MED15: variants seen among roughly 807,000 people sequenced by gnomAD.
The protein encoded by MED15 is mediator of RNA polymerase II transcription subunit 15.
A neutral mutation model predicts 118.7 loss-of-function variants in MED15; 41 were observed. The observed-to-expected ratio is 0.35, with a 90% CI of 0.27 to 0.45. The LOEUF (loss-of-function observed/expected upper bound fraction) is 0.45. Among genes scored for constraint, MED15 ranks in the 20% least tolerant of loss-of-function variants. The probability of loss-of-function intolerance (pLI) is 1.00; values close to 1 mark genes in which losing one functional copy is unlikely to be tolerated. For missense variants in MED15, 740 were observed against 1,025.5 expected, an observed-to-expected ratio of 0.72 and a Z score of 3.80; for synonymous variants, 436 against 413.9, an observed-to-expected ratio of 1.05 and a Z score of -0.65.
chr22:20,553,727 C>T (rs1039679557), intron 4 of MED15, among the ~76,000 whole-genome samples: 1 of 151,930 alleles, frequency 6.6e-6, no homozygotes, highest in African/African-American at 2.4e-5. Context: ...ACAAAAATAG[C>T]CGGGTGTGGT....
At chr22:20,578,422 C>T (rs1452095044) in intron 9 of MED15, among the ~76,000 whole-genome samples, 3 of 152,224 alleles carry the variant, frequency 2.0e-5, no homozygotes, top group Non-Finnish European at 1.5e-5. Context: ...CAGCCCTCTA[C>T]GTCCGGCTGC....
At chr22:20,584,527 G>C in intron 14 of MED15, 102 bp downstream of exon 14, 1 of 1,377,454 alleles carries the variant, frequency 7.3e-7, no homozygotes, top group Non-Finnish European at 1.0e-6. Flanking sequence ...CTGGGCGGGG[G>C]CCGGGCCTGA....
intron 2 of MED15, among the ~76,000 whole-genome samples, chr22:20,545,343 A>G (rs2055483598): frequency 6.6e-6 from 1 of 152,000 alleles, no homozygotes; most frequent in Non-Finnish European, 1.5e-5. Context: ...GTAGGGGGTG[A>G]CAGCGCATAC....
chr22:20,574,257 A>T (rs917263056), intron 8 of MED15: 1 of 152,248 alleles, frequency 6.6e-6, no homozygotes, highest in South Asian at 2.1e-4. Flanking sequence ...AAGTGCCTGT[A>T]GGCCCTGCTC....
chr22:20,580,224 C>T (rs949323881), intron 9 of MED15, among the ~76,000 whole-genome samples: 5 of 152,240 alleles, frequency 3.3e-5, no homozygotes, highest in African/African-American at 4.8e-5. Context: ...GGAGGCCCCA[C>T]GGGCGTGGCT....
intron 2 of MED15, 77 bp from the exon 3 acceptor site, chr22:20,551,359 C>G (rs77357764): frequency 3.7e-6 from 5 of 1,345,400 alleles, no homozygotes; most frequent in African/African-American, 1.4e-5. Context: ...TGCCAGCAGG[C>G]GAGGGGGCGG....
At chr22:20,530,006 G>A (rs140051098) in intron 1 of MED15, among the ~76,000 whole-genome samples, 1,842 of 152,322 alleles carry the variant, frequency 0.012, 14 homozygotes, top group Non-Finnish European at 0.019. Context: ...TTACAGGCGT[G>A]AACCACCACA....
At chr22:20,543,183 A>T (rs2055382775) in intron 2 of MED15, among the ~76,000 whole-genome samples, 7 of 99,016 alleles carry the variant, frequency 7.1e-5, no homozygotes, top group Admixed American at 2.9e-4. Flanking sequence ...TGTACCCTTA[A>T]TTTATCTCTT....
intron 2 of MED15, among the ~76,000 whole-genome samples, chr22:20,547,383 T>G (rs1264608271): frequency 6.6e-6 from 1 of 152,238 alleles, no homozygotes; most frequent in East Asian, 1.9e-4. Flanking sequence ...ACCTTTTTCT[T>G]TAGATTTGCT....
chr22:20,532,136 G>A (rs1439371059), intron 1 of MED15, among the ~76,000 whole-genome samples: 1 of 152,238 alleles, frequency 6.6e-6, no homozygotes, highest in African/African-American at 2.4e-5. Context: ...GGGAGCTGGC[G>A]AGGGCGTGGG....
chr22:20,575,894 C>G (rs1039296790), intron 9 of MED15, among the ~76,000 whole-genome samples: 1 of 152,136 alleles, frequency 6.6e-6, no homozygotes, highest in Non-Finnish European at 1.5e-5. Flanking sequence ...CAGTGGACAG[C>G]ACAGACTCCA....
At chr22:20,582,793 G>A (rs915025282) in intron 10 of MED15, 46 bp downstream of exon 10, 1 of 1,598,144 alleles carries the variant, frequency 6.3e-7, no homozygotes, top group Admixed American at 1.7e-5. Flanking sequence ...CCTCGAGGCT[G>A]GCCCTGCCTG....
intron 2 of MED15, among the ~76,000 whole-genome samples, chr22:20,547,363 T>C (rs16988502): frequency 0.03 from 4,570 of 152,318 alleles, 229 homozygotes; most frequent in African/African-American, 0.1. Context: ...TTGGAATGTT[T>C]AGGAATTGGA....
chr22:20,519,390 G>A (rs2054367501), intron 1 of MED15, among the ~76,000 whole-genome samples: 1 of 151,774 alleles, frequency 6.6e-6, no homozygotes, highest in Non-Finnish European at 1.5e-5. Context: ...CCTTGGAGAA[G>A]ATGCTTTACC....
chr22:20,551,122 T>G, intron 2 of MED15: 1 of 562,762 alleles, frequency 1.8e-6, no homozygotes. Flanking sequence ...GCCTGTCCCC[T>G]TTGTGATGAA....
chr22:20,516,615 T>C (rs2054266872), intron 1 of MED15, among the ~76,000 whole-genome samples: 1 of 152,070 alleles, frequency 6.6e-6, no homozygotes, highest in Admixed American at 6.5e-5. Flanking sequence ...GTGTTTGTGA[T>C]GCTGTGGCTG....
rs769527600 is a variant in MED15, at chr22:20,566,773, G to A, written c.997G>A (p.Ala333Thr). 2 of 1,614,212 alleles carry A rather than the reference G, an allele frequency of 1.2e-6. No homozygotes were observed. The highest frequency in any genetic ancestry group is 1.3e-5 in the African/African-American group (1 of 75,050). The change falls in exon 7 of 18, where the codon GCT becomes ACT. Residue 333 changes from alanine (A) to threonine (T), a missense_variant. Transcript: ENST00000263205. ...QTQPLVSQAQALPGQMLYTQP... is the reference protein window; with the variant it reads ...QTQPLVSQAQTLPGQMLYTQP... ...CCAGCCTTTGGTGTCACAGGCGCAA[G>A]CTCTCCCTGGACAAATGTTGTATAC...
At chr22:20,523,421 G>T (rs2054529724) in intron 1 of MED15, among the ~76,000 whole-genome samples, 1 of 151,994 alleles carries the variant, frequency 6.6e-6, no homozygotes, top group Non-Finnish European at 1.5e-5. Context: ...TAGAAAAGTG[G>T]TCTCCCAACT....
intron 13 of MED15, chr22:20,584,132 A>G (rs1445010579): frequency 1.7e-6 from 1 of 580,050 alleles, no homozygotes; most frequent in Non-Finnish European, 3.1e-6. Context: ...GGGCCTGGCC[A>G]CTGTCCCTTC....
Sources: gnomAD v4.1 joint callset for allele counts (sites outside exome capture counted in the v4.1 genomes callset) on GRCh38, gnomAD v4.1.1 for gene constraint, MANE v1.5 for transcripts, NCBI Gene and HGNC (gene_info 2026-07-23, HGNC 2026-07-21) for gene names.